FUT8: variants seen among roughly 807,000 people sequenced by gnomAD.
FUT8 encodes the protein fucosyltransferase 8, also known as alpha-(1,6)-fucosyltransferase.
In FUT8, 29 loss-of-function variants were observed where a neutral mutation model predicts 71.3. The observed-to-expected ratio is 0.41, with a 90% confidence interval of 0.30 to 0.55. FUT8 has a LOEUF of 0.55. FUT8 is among the 20% of genes least tolerant of loss of function. FUT8 has a pLI of 0.34. For missense variants in FUT8, 544 were observed against 702.1 expected (o/e 0.77, Z 2.55); for synonymous variants, 254 against 239.3 (o/e 1.06, Z -0.57).
At chr14:65,507,086 A>G (rs2066747857) in intron 2 of FUT8, among the ~76,000 whole-genome samples, 1 of 152,214 alleles carries the variant, frequency 6.6e-6, no homozygotes, top group Admixed American at 6.5e-5. Flanking sequence ...CATTAGAGGT[A>G]ATTGACATTG....
At chr14:65,432,978 C>T (rs770942770) in intron 1 of FUT8, among the ~76,000 whole-genome samples, 4 of 151,970 alleles carry the variant, frequency 2.6e-5, no homozygotes, top group Non-Finnish European at 5.9e-5. Flanking sequence ...GTGGACTCGC[C>T]CTGAATTCTT....
At chr14:65,374,761 A>AT in the FUT8 span, among the ~76,000 whole-genome samples, 54,429 of 148,094 alleles carry the variant, frequency 0.37, 10,870 homozygotes, top group Non-Finnish European at 0.45. Context: ...CGCCTGGCTA[A>AT]TTTTTTTTTT....
At chr14:65,594,243 G>A (rs1185139974) in intron 3 of FUT8, among the ~76,000 whole-genome samples, 1 of 152,120 alleles carries the variant, frequency 6.6e-6, no homozygotes. Context: ...CTGGCCAGGG[G>A]CCCGGCAGTT....
At chr14:65,364,260 A>G in the FUT8 span, among the ~76,000 whole-genome samples, 1 of 152,004 alleles carries the variant, frequency 6.6e-6, no homozygotes, top group East Asian at 1.9e-4. Flanking sequence ...GCTGGAGTGC[A>G]GTGGTGAGAT....
At chr14:65,466,183 A>G (rs2066041873) in intron 2 of FUT8, among the ~76,000 whole-genome samples, 1 of 151,940 alleles carries the variant, frequency 6.6e-6, no homozygotes, top group African/African-American at 2.4e-5. Flanking sequence ...TTAGAGTGGG[A>G]TTTTTGTAGA....
chr14:65,418,176 A>G (rs1006743559), intron 1 of FUT8, among the ~76,000 whole-genome samples: 24 of 152,226 alleles, frequency 1.6e-4, no homozygotes, highest in Admixed American at 1.3e-4. Context: ...CATAAATGCT[A>G]TAACTTTCTG....
intron 3 of FUT8, among the ~76,000 whole-genome samples, chr14:65,594,431 G>C (rs1198994085): frequency 6.6e-6 from 1 of 152,166 alleles, no homozygotes; most frequent in Non-Finnish European, 1.5e-5. Flanking sequence ...GGCCCCAGGG[G>C]GTATGTTGCA....
chr14:65,496,527 TAGTG>T (rs2066562384), intron 2 of FUT8, among the ~76,000 whole-genome samples: 1 of 152,082 alleles, frequency 6.6e-6, no homozygotes, highest in African/African-American at 2.4e-5. Flanking sequence ...GTTCTCATGT[TAGTG>T]AGTTCTCATG....
At chr14:65,684,508 T>G (rs1218082107) in intron 7 of FUT8, among the ~76,000 whole-genome samples, 1 of 152,208 alleles carries the variant, frequency 6.6e-6, no homozygotes, top group Non-Finnish European at 1.5e-5. Context: ...AAGAAATGGT[T>G]CCAAAAGCTA....
At chr14:65,676,709 C>T (rs1309772021) in intron 7 of FUT8, among the ~76,000 whole-genome samples, 1 of 150,146 alleles carries the variant, frequency 6.7e-6, no homozygotes, top group East Asian at 2.0e-4. Context: ...GAGTCTCAGT[C>T]ACAGTTGACC....
At chr14:65,682,587 G>T (rs1893090809) in intron 7 of FUT8, among the ~76,000 whole-genome samples, 1 of 152,106 alleles carries the variant, frequency 6.6e-6, no homozygotes, top group Non-Finnish European at 1.5e-5. Flanking sequence ...ATTTGAACTG[G>T]TTTTGAAAAA....
In FUT8 at chr14:65,738,685, C is replaced by T. The variant is rs17826892; in HGVS notation, c.1411-3408C>T. 5.7e-3 allele frequency among the ~76,000 whole-genome samples: 863 copies of T among 152,042 alleles called. 28 individuals carry two copies. The East Asian group carries it at 0.091, about 16-fold the overall frequency. On this transcript the variant is annotated intron_variant, in intron 10 of 10. Coordinates refer to ENST00000673929, the MANE Select transcript of FUT8 (RefSeq NM_001371533.1). ...CCATGTGATTTGAACTTTTAAACCA[C>T]GTGGTAGGTAAGGAAAGAAGAGAGG...
At chr14:65,438,736 T>G (rs778886931) in intron 1 of FUT8, among the ~76,000 whole-genome samples, 9 of 152,326 alleles carry the variant, frequency 5.9e-5, no homozygotes, top group Middle Eastern at 6.8e-3. Flanking sequence ...TCCCTTCTGC[T>G]TCCTGTTCTG....
rs186401341 is a variant in FUT8 at position 65,722,771 on chromosome 14, T to A, written c.1082+750T>A. On this transcript the variant is annotated intron_variant, in intron 8 of 10. Transcript: ENST00000673929. ...TATGATTGTATCCACATCTGGGTTA[T>A]AGTCTGGAATGCAAAGCAAAGAATA... Among the ~76,000 whole-genome samples the A allele has an allele frequency of 1.5e-3, 221 of 152,322 alleles. 4 individuals carry two copies. Among genetic ancestry groups the A allele is most frequent in the Admixed American group, 0.011 (175 of 15,292 alleles).
chr14:65,719,992 G>T (rs1028061750), intron 7 of FUT8, among the ~76,000 whole-genome samples: 6 of 152,166 alleles, frequency 3.9e-5, no homozygotes, highest in African/African-American at 1.4e-4. Context: ...AAGTTCTAGG[G>T]CTCTATAATG....
intron 1 of FUT8, among the ~76,000 whole-genome samples, chr14:65,444,946 CT>C (rs1311489462): frequency 6.6e-6 from 1 of 151,954 alleles, no homozygotes; most frequent in African/African-American, 2.4e-5. Context: ...TGGCTCACGC[CT>C]GTAATCCCAG....
rs33918554 is a variant in FUT8 at position 65,622,910 on chromosome 14, G to GTTTTT, written c.482+6550_482+6554dup. The stretch of plus-strand genomic sequence containing the variant: ...GCTGGCCCTTAGGGGGAGCTTCTCT[G>GTTTTT]TTTTTTTTTTTTTTTTTGAGGCAGT... On this transcript the variant is annotated intron_variant, in intron 5 of 10. Coordinates refer to ENST00000673929, the MANE Select transcript of FUT8 (RefSeq NM_001371533.1). Among the ~76,000 whole-genome samples the GTTTTT allele has an allele frequency of 5.0e-3, 648 of 128,836 alleles. 16 individuals carry two copies. Among genetic ancestry groups the GTTTTT allele is most frequent in the African/African-American group, 0.014 (462 of 33,824 alleles). The allele number at this position is 128,836 out of a possible 152,430, so 84.5% of individuals were successfully genotyped here.
At position 65,742,522 on chromosome 14, in the gene FUT8, T is replaced by G. The variant is rs1896556068; in HGVS notation, c.*112T>G. ...TCTGATCTAACAAAATAAGGTTATA[T>G]GAGTAGATACTCTCAGCACCAAGAG... On this transcript the variant is annotated 3_prime_UTR_variant, in exon 11 of 11. Coordinates refer to ENST00000673929, the MANE Select transcript of FUT8 (RefSeq NM_001371533.1). 1.2e-6 allele frequency: 1 copy of G among 857,476 alleles called. No individual in the cohort carries two copies. 53.1% of individuals were successfully genotyped at this position (857,476 alleles called of 1,614,324 possible). A position where few individuals can be genotyped will look rare whatever the true frequency, so the allele number is the denominator to read the frequency against.
At chr14:65,678,496 G>C (rs972337620) in intron 7 of FUT8, among the ~76,000 whole-genome samples, 6 of 152,312 alleles carry the variant, frequency 3.9e-5, no homozygotes, top group African/African-American at 1.4e-4. Flanking sequence ...CCCAGTCAGA[G>C]AGCTCTCCTG....
Sources: gnomAD v4.1 joint callset for allele counts (sites outside exome capture counted in the v4.1 genomes callset) on GRCh38, gnomAD v4.1.1 for gene constraint, MANE v1.5 for transcripts, NCBI Gene and HGNC (gene_info 2026-07-23, HGNC 2026-07-21) for gene names.